TALDO1: variants seen among roughly 807,000 people sequenced by gnomAD.
The protein encoded by TALDO1 is transaldolase 1.
A neutral mutation model predicts 38.1 loss-of-function variants in TALDO1; 29 were observed. The ratio of observed to expected loss-of-function variants is 0.76; its 90% CI spans 0.57 to 1.04. The LOEUF (loss-of-function observed/expected upper bound fraction) is 1.04, where lower values mean the gene tolerates loss of function less well. TALDO1 is among the 50% of genes least tolerant of loss of function. The pLI is 0.00. For missense variants in TALDO1, 499 were observed against 438.1 expected (o/e 1.14, Z -1.24); for synonymous variants, 207 against 176.8 (o/e 1.17, Z -1.36).
intron 5 of TALDO1, 76 bp downstream of exon 5, chr11:763,595 A>G: frequency 6.3e-7 from 1 of 1,595,818 alleles, no homozygotes; most frequent in Non-Finnish European, 8.6e-7. Flanking sequence ...CCCGAGACGG[A>G]GCTGCCGCAT....
intron 4 of TALDO1, among the ~76,000 whole-genome samples, chr11:761,335 CAAAA>C (rs71022968): frequency 1.1e-4 from 9 of 82,072 alleles, no homozygotes; most frequent in Non-Finnish European, 1.7e-4. Flanking sequence ...GACTCCATCT[CAAAA>C]AAAAAAAAAA....
intron 6 of TALDO1, 138 bp from the exon 7 acceptor site, chr11:764,150 T>G (rs917814218): frequency 6.6e-7 from 1 of 1,515,628 alleles, no homozygotes; most frequent in African/African-American, 1.4e-5. Context: ...GAACCCCACT[T>G]CCAGCGTGAG....
At chr11:758,898 C>T in intron 2 of TALDO1, 52 bp from the exon 3 acceptor site, 1 of 1,519,466 alleles carries the variant, frequency 6.6e-7, no homozygotes, top group South Asian at 1.1e-5. Flanking sequence ...AGCCACCGCA[C>T]CTGGCGAACC....
intron 4 of TALDO1, chr11:760,577 G>A: frequency 2.9e-6 from 1 of 342,520 alleles, no homozygotes; most frequent in South Asian, 2.8e-5. Flanking sequence ...ACAAGCCTAT[G>A]TTTACATGAT....
chr11:755,650 T>C (rs1862822957), intron 1 of TALDO1: 4 of 579,368 alleles, frequency 6.9e-6, no homozygotes, highest in South Asian at 1.9e-5. Flanking sequence ...TGCAGGGGCA[T>C]ATTTGATCGC....
chr11:750,186 G>A (rs1285332453), intron 1 of TALDO1, among the ~76,000 whole-genome samples: 2 of 152,160 alleles, frequency 1.3e-5, no homozygotes, highest in African/African-American at 4.8e-5. Context: ...TGAGATCCCC[G>A]TGTCCCTCAG....
chr11:764,561 C>A, intron 7 of TALDO1, 128 bp downstream of exon 7: 2 of 1,478,420 alleles, frequency 1.4e-6, no homozygotes, highest in Non-Finnish European at 1.8e-6. Context: ...TGCTGTCCAG[C>A]AAGTGGGGCC....
intron 1 of TALDO1, among the ~76,000 whole-genome samples, chr11:749,704 C>A (rs1862720158): frequency 6.6e-6 from 1 of 152,138 alleles, no homozygotes; most frequent in Non-Finnish European, 1.5e-5. Context: ...CCCCAATGGG[C>A]CTTGGTTTTG....
chr11:755,860 T>C lies in TALDO1; in HGVS notation c.98-19T>C. 2 of 1,614,124 alleles carry C rather than the reference T, an allele frequency of 1.2e-6. No individual in the cohort carries two copies. Among genetic ancestry groups the C allele is most frequent in the Non-Finnish European group, 1.7e-6 (2 of 1,180,022 alleles). On this transcript the variant is annotated intron_variant, in intron 1 of 7. Coordinates refer to ENST00000319006, the MANE Select transcript of TALDO1 (RefSeq NM_006755.2). ...GCAAGTACTCCACTTACTTTGGCTT[T>C]TGAAAACTATTTCCCTAGCCATCGA...
intron 2 of TALDO1, 64 bp from the exon 3 acceptor site, chr11:758,886 T>G (rs1862886650): frequency 2.2e-6 from 3 of 1,379,566 alleles, no homozygotes; most frequent in Non-Finnish European, 3.1e-6. Context: ...ATTACAGGCG[T>G]GAGCCACCGC....
intron 3 of TALDO1, 38 bp from the exon 4 acceptor site, chr11:760,084 G>A (rs769365585): frequency 6.2e-7 from 1 of 1,612,418 alleles, no homozygotes; most frequent in Non-Finnish European, 8.5e-7. Context: ...TGGGCAACCT[G>A]CGTGATCTGA....
At chr11:753,805 G>A (rs182035998) in intron 1 of TALDO1, among the ~76,000 whole-genome samples, 10 of 151,604 alleles carry the variant, frequency 6.6e-5, no homozygotes, top group Admixed American at 5.9e-4. Flanking sequence ...TACTGAGGAC[G>A]CTGAGGTAGG....
intron 1 of TALDO1, among the ~76,000 whole-genome samples, chr11:750,024 A>G (rs1862724018): frequency 6.6e-6 from 1 of 152,152 alleles, no homozygotes; most frequent in Non-Finnish European, 1.5e-5. Context: ...GGAAGTGGGC[A>G]CTGCTGTGGT....
chr11:757,996 G>T (rs956869165), intron 2 of TALDO1, among the ~76,000 whole-genome samples: 1 of 152,178 alleles, frequency 6.6e-6, no homozygotes, highest in Non-Finnish European at 1.5e-5. Context: ...AAATTAGCTG[G>T]GCATGGGCCA....
intron 1 of TALDO1, among the ~76,000 whole-genome samples, chr11:754,389 T>C (rs895528318): frequency 2.6e-5 from 4 of 152,202 alleles, no homozygotes; most frequent in African/African-American, 9.6e-5. Flanking sequence ...TTGTCAAAGT[T>C]GTCCACTCCG....
At chr11:764,164 T>C in intron 6 of TALDO1, 124 bp from the exon 7 acceptor site, 1 of 1,558,918 alleles carries the variant, frequency 6.4e-7, no homozygotes, top group Non-Finnish European at 8.8e-7. Context: ...GCGTGAGCCT[T>C]GCTGGGGCCA....
intron 2 of TALDO1, 108 bp downstream of exon 2, chr11:756,110 G>GGGGGAAAAAAACCCT: frequency 4.1e-6 from 6 of 1,460,072 alleles, no homozygotes; most frequent in Non-Finnish European, 5.5e-6. Flanking sequence ...TGAACTCAAG[G>GGGGGAAAAAAACCCT]GGGGAAAAAA....
rs948450387 is a variant in TALDO1, at chr11:747,503, C to A, written c.22C>A (p.Arg8Ser). MSSSPVK[R>S]QRMESALDQL... ...TGCTATGTCGAGCTCACCCGTGAAG[C>A]GTCAGAGGATGGAGTCCGCGCTGGA... The change falls in exon 1 of 8, where the codon CGT becomes AGT. Residue 8 changes from arginine (R) to serine (S), a missense_variant. Coordinates refer to ENST00000319006, the MANE Select transcript of TALDO1 (RefSeq NM_006755.2). The A allele has an allele frequency of 1.2e-6, 2 of 1,600,052 alleles. No homozygotes were observed. Among genetic ancestry groups the A allele is most frequent in the Non-Finnish European group, 1.7e-6 (2 of 1,174,870 alleles).
chr11:762,641 G>A (rs927585666), intron 4 of TALDO1, among the ~76,000 whole-genome samples: 1 of 152,246 alleles, frequency 6.6e-6, no homozygotes, highest in South Asian at 2.1e-4. Flanking sequence ...CGCCTGGGGA[G>A]GGAACTTGTG....
Sources: allele counts gnomAD v4.1 joint callset (sites outside exome capture counted in the v4.1 genomes callset), GRCh38; gene constraint gnomAD v4.1.1; transcripts MANE v1.5; gene names NCBI Gene and HGNC (gene_info 2026-07-23, HGNC 2026-07-21).